Variants in NR1H3 observed in about 807,000 individuals in gnomAD.
NR1H3 encodes nuclear receptor subfamily 1 group H member 3, also known as oxysterols receptor LXR-alpha.
A neutral mutation model predicts 48.1 loss-of-function variants in NR1H3; 19 were observed. The observed-to-expected ratio is 0.40, with a 90% confidence interval of 0.28 to 0.58. The LOEUF is 0.58. NR1H3 is among the 20% of genes least tolerant of loss of function. NR1H3 has a pLI of 0.50. For synonymous variants in NR1H3, 232 were observed against 227.3 expected, an observed-to-expected ratio of 1.02 and a Z score of -0.19; for missense variants, 486 against 595.9, an observed-to-expected ratio of 0.82 and a Z score of 1.92.
At chr11:47,254,748 G>A (rs891148904), upstream of NR1H3, among the ~76,000 whole-genome samples, 2 of 152,062 alleles carry the variant, frequency 1.3e-5, no homozygotes, top group Non-Finnish European at 1.5e-5. Flanking sequence ...CCCCAGCCCC[G>A]GCCTGTTCCC....
intron 4 of NR1H3, 60 bp downstream of exon 4, chr11:47,260,735 A>G: frequency 6.6e-7 from 1 of 1,517,118 alleles, no homozygotes; most frequent in Non-Finnish European, 8.8e-7. Context: ...CCAGGGTGTG[A>G]CCCAAAACAG....
At chr11:47,266,055 C>A (rs981156241) in intron 7 of NR1H3, among the ~76,000 whole-genome samples, 1 of 152,070 alleles carries the variant, frequency 6.6e-6, no homozygotes, top group African/African-American at 2.4e-5. Context: ...GGACTCAACC[C>A]GAGGCAGTCT....
chr11:47,262,641 A>G (rs1040800964), intron 7 of NR1H3, among the ~76,000 whole-genome samples: 1 of 151,900 alleles, frequency 6.6e-6, no homozygotes, highest in African/African-American at 2.4e-5. Context: ...CAGCTTCTCA[A>G]GTAGCTGGGA....
chr11:47,258,190 G>A, intron 1 of NR1H3, 61 bp downstream of exon 1: 1 of 985,550 alleles, frequency 1.0e-6, no homozygotes, highest in Non-Finnish European at 1.2e-6. Context: ...TGGGGTCGGG[G>A]AATGTCCTAA....
At chr11:47,262,250 G>A (rs1215250372) in intron 7 of NR1H3, among the ~76,000 whole-genome samples, 4 of 151,850 alleles carry the variant, frequency 2.6e-5, no homozygotes, top group Non-Finnish European at 4.4e-5. Context: ...ATGGTGGCAC[G>A]CGCCTGTAGC....
At position 47,268,655 on chromosome 11, in the gene NR1H3, C is replaced by T; in HGVS notation, c.1303C>T (p.Leu435Phe). Residue 435 changes from leucine to phenylalanine, a missense_variant, in exon 10 of 10, where the codon CTC becomes TTC. By Grantham distance (22) the Leu-to-Phe change is conservative. Transcript: ENST00000441012. Reference protein sequence around the residue: ...VFALRLQDKKLPPLLSEIWDV... With the variant: ...VFALRLQDKKFPPLLSEIWDV... ...TGCACTGCGTCTGCAGGACAAAAAG[C>T]TCCCACCGCTGCTCTCTGAGATCTG... 6.2e-7 allele frequency: 1 copy of T among 1,614,258 alleles called. No individual in the cohort carries two copies. The highest frequency in any genetic ancestry group is 8.5e-7 in the Non-Finnish European group (1 of 1,180,052).
In NR1H3 at chr11:47,259,737, C is replaced by T. The variant is rs555223493; in HGVS notation, c.44-54C>T. On this transcript the variant is annotated intron_variant, in intron 2 of 9. Transcript: ENST00000441012. ...CAGTTTCCCAGCTAGGACGCTGGGCCGTGGAGCCGGGATGGGGCCTGAGAC... is the reference window on the plus strand; with the variant it reads ...CAGTTTCCCAGCTAGGACGCTGGGCTGTGGAGCCGGGATGGGGCCTGAGAC... The T allele has an allele frequency of 1.6e-4, 259 of 1,607,678 alleles. No individual in the cohort carries two copies. In the African/African-American group the frequency reaches 2.9e-3, roughly 18 times the overall value.
chr11:47,251,535 C>T (rs1055134033), intron 1 of NR1H3, among the ~76,000 whole-genome samples: 17 of 152,016 alleles, frequency 1.1e-4, no homozygotes, highest in African/African-American at 4.1e-4. Flanking sequence ...TCACTTGAAC[C>T]CAGGATACAG....
At chr11:47,262,499 G>A (rs571846812) in intron 7 of NR1H3, among the ~76,000 whole-genome samples, 25 of 148,388 alleles carry the variant, frequency 1.7e-4, no homozygotes, top group African/African-American at 4.5e-4. Context: ...CACCATGCCC[G>A]GCCAAGTACT....
intron 1 of NR1H3, chr11:47,258,700 A>G (rs964527985): frequency 6.3e-6 from 1 of 159,212 alleles, no homozygotes; most frequent in African/African-American, 2.4e-5. Context: ...TGCGCCCATA[A>G]TCTCAGATAC....
chr11:47,258,609 T>C (rs967559588), intron 1 of NR1H3: 3 of 152,390 alleles, frequency 2.0e-5, no homozygotes, highest in Admixed American at 2.0e-4. Flanking sequence ...TGTGTGACCA[T>C]AGTTACTTAA....
rs561480227 is a variant in NR1H3 at position 47,261,911 on chromosome 11, G to A, written c.889-8G>A. On this transcript the variant is annotated splice_polypyrimidine_tract_variant and splice_region_variant and intron_variant, in intron 6 of 9. Coordinates refer to ENST00000441012, the MANE Select transcript of NR1H3 (RefSeq NM_005693.4). ...AGTCCCCGTTTGAGGTTTGCTGCTT[G>A]TGTGCAGGTGATGCTTCTGGAGACA... is the stretch of plus-strand genomic sequence containing the variant. 1 of 1,613,236 alleles carries A rather than the reference G, an allele frequency of 6.2e-7. No homozygotes were observed. Among genetic ancestry groups the A allele is most frequent in the South Asian group, 1.1e-5 (1 of 91,066 alleles).
chr11:47,257,145 A>G (rs1451005272), upstream of NR1H3, among the ~76,000 whole-genome samples: 1 of 152,182 alleles, frequency 6.6e-6, no homozygotes, highest in Non-Finnish European at 1.5e-5. Flanking sequence ...TGAAATCAAT[A>G]AAATATGATG....
Position 47,267,926 on chromosome 11 carries a change from AT to A in NR1H3, c.1004del (p.Phe335SerfsTer12), listed in dbSNP as rs765777154. The A allele has an allele frequency of 6.2e-7, 1 of 1,613,706 alleles. No individual in the cohort carries two copies. Among genetic ancestry groups the A allele is most frequent in the Non-Finnish European group, 8.5e-7 (1 of 1,179,772 alleles). ...CTTCCTCCCCAGGGCTGCAAGTGGA[AT>A]TCATCAACCCCATCTTCGAGTTCTC... The part of the protein sequence containing the change: ...DFAKAGLQVE[F>X]INPIFEFSRA... On this transcript the variant is annotated frameshift_variant, in exon 8 of 10. Coordinates refer to ENST00000441012, the MANE Select transcript of NR1H3 (RefSeq NM_005693.4). LOFTEE classifies it high-confidence loss of function.
At chr11:47,260,717 A>G in intron 4 of NR1H3, 42 bp downstream of exon 4, 1 of 1,548,404 alleles carries the variant, frequency 6.5e-7, no homozygotes. Flanking sequence ...CTGAGGGGAA[A>G]GAGGGGGCCA....
Position 47,259,867 on chromosome 11 carries a change from C to CA in NR1H3, c.121dup (p.Arg41LysfsTer185), listed in dbSNP as rs2135623514. On this transcript the variant is annotated frameshift_variant, in exon 3 of 10. Coordinates refer to ENST00000441012, the MANE Select transcript of NR1H3 (RefSeq NM_005693.4). LOFTEE classifies it high-confidence loss of function. ...CCCAGGGAGGCAGCAGCTGCATCCT[C>CA]AGAGAGGAAGCCAGGATGCCCCACT... is the stretch of plus-strand genomic sequence containing the variant. 5.0e-6 allele frequency: 8 copies of CA among 1,612,886 alleles called. No individual in the cohort carries two copies. The highest frequency in any genetic ancestry group is 5.9e-6 in the Non-Finnish European group (7 of 1,179,984).
At chr11:47,251,870 G>A (rs1032107462) in intron 1 of NR1H3, among the ~76,000 whole-genome samples, 1 of 152,122 alleles carries the variant, frequency 6.6e-6, no homozygotes, top group Non-Finnish European at 1.5e-5. Context: ...AGGAGGGATT[G>A]ATGAAGCAGA....
chr11:47,255,653 T>TTCTCTTTCTC (rs1955097349), upstream of NR1H3, among the ~76,000 whole-genome samples: 3 of 128,054 alleles, frequency 2.3e-5, no homozygotes, highest in South Asian at 2.7e-4. Flanking sequence ...TTCTTTCTCT[T>TTCTCTTTCTC]TCTCTCTCTC....
intron 3 of NR1H3, 43 bp downstream of exon 3, chr11:47,260,022 C>T: frequency 2.1e-6 from 3 of 1,447,850 alleles, no homozygotes; most frequent in Non-Finnish European, 2.7e-6. Flanking sequence ...GTCCAGATTC[C>T]AGGTCCTGGA....
Sources: gnomAD v4.1 joint callset for allele counts (sites outside exome capture counted in the v4.1 genomes callset) on GRCh38, gnomAD v4.1.1 for gene constraint, MANE v1.5 for transcripts, NCBI Gene and HGNC (gene_info 2026-07-23, HGNC 2026-07-21) for gene names.